Variants in BMP2K observed in about 807,000 individuals in gnomAD.
The protein encoded by BMP2K is BMP2 inducible kinase.
Under a neutral mutation model 116.0 loss-of-function variants are expected in BMP2K, and 74 were observed. The ratio of observed to expected loss-of-function variants is 0.64; its 90% CI spans 0.53 to 0.77. The LOEUF is 0.77. Among genes scored for constraint, BMP2K ranks in the 30% least tolerant of loss-of-function variants. BMP2K has a pLI of 0.00. For synonymous variants in BMP2K, 486 were observed against 502.5 expected (o/e 0.97, Z 0.44); for missense variants, 1,365 against 1,403.6 (o/e 0.97, Z 0.44).
chr4:78,807,595 T>A (rs1728882310), intron 1 of BMP2K, among the ~76,000 whole-genome samples: 1 of 152,010 alleles, frequency 6.6e-6, no homozygotes, highest in Non-Finnish European at 1.5e-5. Context: ...TAACTCAATC[T>A]CTTTACTTGT....
At chr4:78,799,171 A>G (rs1223246230) in intron 1 of BMP2K, among the ~76,000 whole-genome samples, 1 of 152,188 alleles carries the variant, frequency 6.6e-6, no homozygotes, top group Admixed American at 6.5e-5. Flanking sequence ...AAAGAAGTGG[A>G]CATACAAACA....
chr4:78,878,879 C>T lies in BMP2K; in HGVS notation c.1939C>T (p.Leu647Phe), dbSNP rs200757682. The T allele has an allele frequency of 3.7e-6, 6 of 1,610,738 alleles. No individual in the cohort carries two copies. Among genetic ancestry groups the T allele is most frequent in the Admixed American group, 1.7e-5 (1 of 59,320 alleles). Reference protein sequence around the residue: ...EEELLDREFDLLRSNRLEERA... With the variant: ...EEELLDREFDFLRSNRLEERA... ...GGAACTATTGGACAGAGAATTTGAC[C>T]TTCTAAGATCAAGTAAGGGACACTT... Residue 647 changes from leucine to phenylalanine, a missense_variant, in exon 14 of 16, where the codon CTT (leucine) becomes TTT (phenylalanine). This residue lies in a region of BMP2K where 596 missense variants were observed against 623.2 expected (regional missense o/e 0.96). Coordinates refer to ENST00000502613, the MANE Select transcript of BMP2K (RefSeq NM_198892.2).
chr4:78,896,163 C>G (rs1459008473), intron 15 of BMP2K, among the ~76,000 whole-genome samples: 2 of 152,128 alleles, frequency 1.3e-5, no homozygotes, highest in Non-Finnish European at 2.9e-5. Flanking sequence ...TTATAAATGA[C>G]ATTCATTTTT....
At chr4:78,815,491 A>T (rs1310412150) in intron 1 of BMP2K, among the ~76,000 whole-genome samples, 3 of 152,186 alleles carry the variant, frequency 2.0e-5, no homozygotes, top group East Asian at 3.8e-4. Context: ...GTAAATTTGA[A>T]GTATTTTTTA....
chr4:78,823,749 A>C (rs1361194937), intron 1 of BMP2K, among the ~76,000 whole-genome samples: 1 of 151,894 alleles, frequency 6.6e-6, no homozygotes, highest in Non-Finnish European at 1.5e-5. Context: ...TACACAGACC[A>C]CCTCAGGCAA....
At chr4:78,848,414 C>G (rs929992572) in intron 6 of BMP2K, among the ~76,000 whole-genome samples, 5 of 151,404 alleles carry the variant, frequency 3.3e-5, no homozygotes, top group Non-Finnish European at 4.4e-5. Context: ...GCAAATTAAA[C>G]TGGATTTTAA....
intron 6 of BMP2K, among the ~76,000 whole-genome samples, chr4:78,850,247 T>C (rs891755893): frequency 2.0e-5 from 3 of 151,850 alleles, no homozygotes; most frequent in African/African-American, 4.8e-5. Flanking sequence ...TTAGGGTGTT[T>C]TGCCCTCATT....
At chr4:78,890,074 T>C (rs1000664145) in intron 15 of BMP2K, among the ~76,000 whole-genome samples, 2 of 152,158 alleles carry the variant, frequency 1.3e-5, no homozygotes, top group African/African-American at 4.8e-5. Context: ...TATACTTTTT[T>C]CTGCAGTTTT....
intron 9 of BMP2K, among the ~76,000 whole-genome samples, chr4:78,863,227 T>A (rs1478479746): frequency 6.6e-6 from 1 of 152,096 alleles, no homozygotes; most frequent in Admixed American, 6.6e-5. Flanking sequence ...ATAAATTTAC[T>A]CTTTATGAAT....
intron 1 of BMP2K, among the ~76,000 whole-genome samples, chr4:78,799,672 G>C (rs1728472272): frequency 6.6e-6 from 1 of 152,184 alleles, no homozygotes; most frequent in Admixed American, 6.5e-5. Context: ...GCTGTGTCTA[G>C]ACTTATCTCT....
intron 11 of BMP2K, 119 bp downstream of exon 11, chr4:78,871,179 TCC>T: frequency 6.8e-7 from 1 of 1,479,320 alleles, no homozygotes; most frequent in South Asian, 1.3e-5. Flanking sequence ...GTAAACACTT[TCC>T]CCAATTTTCT....
At chr4:78,856,116 T>C (rs997355034) in intron 7 of BMP2K, among the ~76,000 whole-genome samples, 1 of 152,170 alleles carries the variant, frequency 6.6e-6, no homozygotes, top group Non-Finnish European at 1.5e-5. Flanking sequence ...AACACTGAAC[T>C]CGAGGTTTAA....
intron 1 of BMP2K, among the ~76,000 whole-genome samples, chr4:78,808,565 C>T (rs1000091559): frequency 7.2e-5 from 11 of 152,090 alleles, no homozygotes; most frequent in South Asian, 2.1e-4. Flanking sequence ...CATGCCCGGC[C>T]GCTTCCTTTT....
rs766340536 is a variant in BMP2K at position 78,878,842 on chromosome 4, G to A, written c.1902G>A (p.Lys634=). ...WNPFGEDNFS[K]LTEEELLDRE... ...CTTTTGGAGAGGATAATTTCTCTAA[G>A]TTAACAGAAGAGGAACTATTGGACA... Residue 634 remains lysine (K), a synonymous_variant, in exon 14 of 16, where the codon AAG becomes AAA. Coordinates refer to ENST00000502613, the MANE Select transcript of BMP2K (RefSeq NM_198892.2). 8 of 1,613,556 alleles carry A rather than the reference G, an allele frequency of 5.0e-6. No homozygotes were observed. Among genetic ancestry groups the A allele is most frequent in the Non-Finnish European group, 6.8e-6 (8 of 1,179,752 alleles).
At chr4:78,851,485 ATAAAT>A (rs1731249726) in intron 7 of BMP2K, among the ~76,000 whole-genome samples, 1 of 152,144 alleles carries the variant, frequency 6.6e-6, no homozygotes, top group Non-Finnish European at 1.5e-5. Flanking sequence ...AGCTATTAAA[ATAAAT>A]TAGGAAGCTA....
chr4:78,843,948 T>G (rs1252935270), intron 4 of BMP2K, among the ~76,000 whole-genome samples: 2 of 151,914 alleles, frequency 1.3e-5, no homozygotes, highest in Non-Finnish European at 2.9e-5. Context: ...CTAAGTAGAT[T>G]TCTTTCTGAA....
At position 78,776,628 on chromosome 4, in the gene BMP2K, G is replaced by C; in HGVS notation, c.85G>C (p.Gly29Arg). 1 of 1,210,332 alleles carries C rather than the reference G, an allele frequency of 8.3e-7. No individual in the cohort carries two copies. The highest frequency in any genetic ancestry group is 1.0e-6 in the Non-Finnish European group (1 of 970,758). The allele number at this position is 1,210,332 out of a possible 1,614,324, so 75.0% of individuals were successfully genotyped here. ...AGGGAGGAGAGAGCGSGGSSV... is the reference protein window; with the variant it reads ...AGGGAGGAGARAGCGSGGSSV... ...TGGCGGGGCTGGCGGGGCCGGGGCC[G>C]GGGCCGGCTGCGGCTCCGGCGGCTC... The change falls in exon 1 of 16, where the codon GGG (glycine) becomes CGG (arginine). Residue 29 changes from glycine to arginine, a missense_variant. Around this residue, in one of 3 missense-constraint regions of BMP2K, gnomAD observed 762 missense variants for 756.7 expected, o/e 1.01. Transcript: ENST00000502613.
At chr4:78,872,553 C>T in intron 12 of BMP2K, 61 bp from the exon 13 acceptor site, 1 of 1,431,118 alleles carries the variant, frequency 7.0e-7, no homozygotes, top group Non-Finnish European at 9.5e-7. Context: ...TAAATAGATG[C>T]AGTGCTGACA....
At chr4:78,865,845 T>C in intron 10 of BMP2K, 125 bp downstream of exon 10, 1 of 919,502 alleles carries the variant, frequency 1.1e-6, no homozygotes, top group Admixed American at 2.8e-5. Flanking sequence ...TTTCAGAAAC[T>C]TTCTATTGAT....
Sources: allele counts gnomAD v4.1 joint callset (sites outside exome capture counted in the v4.1 genomes callset), GRCh38; gene constraint gnomAD v4.1.1; regional missense constraint gnomAD v4.1.1; transcripts MANE v1.5; gene names NCBI Gene and HGNC (gene_info 2026-07-23, HGNC 2026-07-21).